The following PARD3 variants were observed in gnomAD, a reference collection of about 807,000 sequenced individuals.
PARD3 encodes partitioning defective 3 homolog.
Under a neutral mutation model 155.4 loss-of-function variants are expected in PARD3, and 75 were observed. The ratio of observed to expected loss-of-function variants is 0.48; its 90% CI spans 0.40 to 0.58. The LOEUF (loss-of-function observed/expected upper bound fraction) is 0.58, where lower values mean the gene tolerates loss of function less well. PARD3 is among the 20% of genes least tolerant of loss of function. PARD3 has a pLI of 0.00. For missense variants in PARD3, 1,642 were observed against 1,721.7 expected (o/e 0.95, Z 0.82); for synonymous variants, 576 against 610.5 (o/e 0.94, Z 0.83).
chr10:34,135,481 T>G (rs1026765890), intron 22 of PARD3, among the ~76,000 whole-genome samples: 3 of 152,198 alleles, frequency 2.0e-5, no homozygotes, highest in Admixed American at 6.5e-5. Flanking sequence ...ATATGGAACG[T>G]CCATAATTAC....
At chr10:34,567,877 G>T (rs1356212655) in intron 2 of PARD3, among the ~76,000 whole-genome samples, 1 of 151,562 alleles carries the variant, frequency 6.6e-6, no homozygotes, top group African/African-American at 2.5e-5. Context: ...ATCGTGAGAT[G>T]TAATTGTTGT....
chr10:34,302,710 T>TA (rs1386866449), intron 20 of PARD3, among the ~76,000 whole-genome samples: 1 of 152,186 alleles, frequency 6.6e-6, no homozygotes, highest in African/African-American at 2.4e-5. Flanking sequence ...CAAAAAAGGT[T>TA]AAATCCCACT....
intron 1 of PARD3, among the ~76,000 whole-genome samples, chr10:34,721,632 T>C (rs1020336422): frequency 1.3e-5 from 2 of 152,192 alleles, no homozygotes; most frequent in Non-Finnish European, 2.9e-5. Context: ...CTCTTCCACA[T>C]TGCGAATCAC....
chr10:34,531,384 A>G (rs2082843788), intron 2 of PARD3, among the ~76,000 whole-genome samples: 1 of 152,158 alleles, frequency 6.6e-6, no homozygotes, highest in Non-Finnish European at 1.5e-5. Context: ...TTAAAAAATT[A>G]TCAAACCATC....
chr10:34,221,007 A>C (rs1370836524), intron 22 of PARD3, among the ~76,000 whole-genome samples: 1 of 152,208 alleles, frequency 6.6e-6, no homozygotes, highest in African/African-American at 2.4e-5. Context: ...GGCTCCCAAA[A>C]GCAGTGCCAT....
chr10:34,626,099 C>T (rs1331005215), intron 2 of PARD3, among the ~76,000 whole-genome samples: 1 of 152,146 alleles, frequency 6.6e-6, no homozygotes, highest in Non-Finnish European at 1.5e-5. Flanking sequence ...AAGTAGCTGG[C>T]TTGTGTTCAA....
At chr10:34,328,936 G>A (rs947197445) in intron 19 of PARD3, among the ~76,000 whole-genome samples, 1 of 152,174 alleles carries the variant, frequency 6.6e-6, no homozygotes, top group Admixed American at 6.5e-5. Context: ...TACAACATTT[G>A]GTGGTTGTAG....
intron 2 of PARD3, among the ~76,000 whole-genome samples, chr10:34,530,280 A>T (rs1319349496): frequency 6.6e-6 from 1 of 152,054 alleles, no homozygotes; most frequent in African/African-American, 2.4e-5. Context: ...TACAATACCA[A>T]CCCTTCTTCC....
chr10:34,533,315 C>A (rs891172565), intron 2 of PARD3, among the ~76,000 whole-genome samples: 1 of 151,852 alleles, frequency 6.6e-6, no homozygotes, highest in East Asian at 1.9e-4. Context: ...GAAGAACTAC[C>A]TACTGGGTAC....
At chr10:34,180,158 C>T (rs1950207555) in intron 22 of PARD3, among the ~76,000 whole-genome samples, 2 of 152,182 alleles carry the variant, frequency 1.3e-5, no homozygotes, top group Non-Finnish European at 2.9e-5. Flanking sequence ...AGCGATTCTC[C>T]TGCCTCAGCC....
At chr10:34,325,524 C>T (rs530399453) in intron 19 of PARD3, among the ~76,000 whole-genome samples, 54 of 152,218 alleles carry the variant, frequency 3.5e-4, no homozygotes, top group African/African-American at 1.1e-3. Context: ...GGCACCCCTA[C>T]ACCACCACCC....
intron 4 of PARD3, among the ~76,000 whole-genome samples, chr10:34,463,670 G>C (rs1343278325): frequency 2.0e-5 from 3 of 152,092 alleles, no homozygotes; most frequent in Non-Finnish European, 4.4e-5. Context: ...ATTCTAGTCT[G>C]CATTCGCTTA....
At chr10:34,185,810 T>G (rs1468753694) in intron 22 of PARD3, among the ~76,000 whole-genome samples, 2 of 110,304 alleles carry the variant, frequency 1.8e-5, no homozygotes, top group Admixed American at 2.0e-4. Context: ...AGTAACATCT[T>G]CTATATTATA....
chr10:34,711,760 T>C (rs2094452352), intron 1 of PARD3, among the ~76,000 whole-genome samples: 1 of 152,054 alleles, frequency 6.6e-6, no homozygotes, highest in East Asian at 1.9e-4. Flanking sequence ...GAGAATATAA[T>C]CAACAAACAC....
At chr10:34,145,212 TATATATA>T (rs1948422891) in intron 22 of PARD3, among the ~76,000 whole-genome samples, 2 of 75,774 alleles carry the variant, frequency 2.6e-5, no homozygotes, top group African/African-American at 1.3e-4. Flanking sequence ...TATATATATA[TATATATA>T]TATTTTTTTT....
chr10:34,334,346 CAAAA>C (rs34205005), intron 18 of PARD3, among the ~76,000 whole-genome samples: 4 of 95,106 alleles, frequency 4.2e-5, no homozygotes, highest in Admixed American at 1.1e-4. Flanking sequence ...TCCCTCTTGC[CAAAA>C]AAAAAAAAAA....
intron 22 of PARD3, among the ~76,000 whole-genome samples, chr10:34,266,684 G>A (rs1955327618): frequency 6.6e-6 from 1 of 152,242 alleles, no homozygotes; most frequent in East Asian, 1.9e-4. Context: ...TTACTGCTTG[G>A]TGTAACTCAT....
intron 15 of PARD3, chr10:34,343,505 A>AT (rs1837052651): frequency 1.5e-5 from 15 of 985,056 alleles, no homozygotes; most frequent in Non-Finnish European, 1.7e-5. Flanking sequence ...ATAATTTAGC[A>AT]TTTTTTTCTC....
At chr10:34,684,912 G>C (rs979576071) in intron 2 of PARD3, among the ~76,000 whole-genome samples, 11 of 106,924 alleles carry the variant, frequency 1.0e-4, no homozygotes, top group South Asian at 2.8e-4. Flanking sequence ...CACACACACA[G>C]AGTATAGTAG....
Sources: gnomAD v4.1 joint callset for allele counts (sites outside exome capture counted in the v4.1 genomes callset) on GRCh38, gnomAD v4.1.1 for gene constraint, MANE v1.5 for transcripts, NCBI Gene and HGNC (gene_info 2026-07-23, HGNC 2026-07-21) for gene names.